AP1B1: variants seen among roughly 807,000 people sequenced by gnomAD.
AP1B1 encodes AP-1 complex subunit beta-1.
AP1B1 carries 36 observed loss-of-function variants against 104.3 expected under a neutral mutation model. That is an observed-to-expected ratio of 0.35 (90% CI 0.26 to 0.46). The LOEUF is 0.46. Ranked by LOEUF, AP1B1 falls within the 20% of genes least tolerant of loss-of-function variation. The probability of loss-of-function intolerance (pLI) is 1.00; values close to 1 mark genes in which losing one functional copy is unlikely to be tolerated. For missense variants in AP1B1, 901 were observed against 1,247.9 expected, an observed-to-expected ratio of 0.72 and a Z score of 4.19; for synonymous variants, 504 against 517.5, an observed-to-expected ratio of 0.97 and a Z score of 0.35.
intron 11 of AP1B1, among the ~76,000 whole-genome samples, chr22:29,343,875 C>T (rs2061749456): frequency 6.6e-6 from 1 of 152,084 alleles, no homozygotes; most frequent in African/African-American, 2.4e-5. Context: ...CTTTGGGAGG[C>T]CTCGGTGGTT....
chr22:29,374,334 GAATTC>G, intron 1 of AP1B1, among the ~76,000 whole-genome samples: 1 of 152,070 alleles, frequency 6.6e-6, no homozygotes, highest in Non-Finnish European at 1.5e-5. Flanking sequence ...AAAGAACCAT[GAATTC>G]AATTCCATAA....
chr22:29,353,120 G>A (rs1229642628), intron 7 of AP1B1, among the ~76,000 whole-genome samples: 5 of 152,168 alleles, frequency 3.3e-5, no homozygotes, highest in African/African-American at 7.2e-5. Flanking sequence ...AGAGTGGGGC[G>A]AGAATCCTCT....
chr22:29,336,915 C>T (rs1182109953), intron 16 of AP1B1, among the ~76,000 whole-genome samples: 1 of 152,144 alleles, frequency 6.6e-6, no homozygotes, highest in African/African-American at 2.4e-5. Context: ...AGGGCTGGCA[C>T]CCACAGGGTT....
At chr22:29,387,370 C>T (rs760639890) in intron 1 of AP1B1, among the ~76,000 whole-genome samples, 1 of 150,338 alleles carries the variant, frequency 6.7e-6, no homozygotes, top group African/African-American at 2.5e-5. Context: ...TGCAGTCGCA[C>T]GATCTCGGCT....
chr22:29,329,029 G>T (rs956055602), intron 22 of AP1B1, 134 bp from the exon 23 acceptor site: 47 of 1,471,170 alleles, frequency 3.2e-5, no homozygotes, highest in Non-Finnish European at 4.1e-5. Flanking sequence ...AGCTGCGCCT[G>T]GCACAGATGT....
At chr22:29,369,480 G>C (rs930004406) in intron 1 of AP1B1, among the ~76,000 whole-genome samples, 4 of 152,240 alleles carry the variant, frequency 2.6e-5, no homozygotes, top group African/African-American at 9.6e-5. Flanking sequence ...AAGTTGAAAA[G>C]GAAGGATGGC....
At chr22:29,367,137 C>T in intron 2 of AP1B1, 70 bp downstream of exon 2, 1 of 1,466,034 alleles carries the variant, frequency 6.8e-7, no homozygotes, top group Admixed American at 1.7e-5. Flanking sequence ...CTCCCTACCG[C>T]CATAGGAGGA....
At chr22:29,360,677 T>C (rs759110723) in intron 3 of AP1B1, among the ~76,000 whole-genome samples, 20 of 152,202 alleles carry the variant, frequency 1.3e-4, no homozygotes, top group Middle Eastern at 3.2e-3. Context: ...CTGAGGTTCA[T>C]AAATGTCAAA....
At position 29,331,784 on chromosome 22, in the gene AP1B1, C is replaced by A; in HGVS notation, c.2439+3G>T. On this transcript the variant is annotated splice_donor_region_variant and intron_variant, in intron 18 of 22. Transcript: ENST00000357586. Reference sequence around the variant, plus strand: ...TGGGGTGCCTGCCCTGCCCGGAACCCACCTGGAGGTTGTTCAGAGGCTCCA... The same window carrying A: ...TGGGGTGCCTGCCCTGCCCGGAACCAACCTGGAGGTTGTTCAGAGGCTCCA... 6.2e-7 allele frequency: 1 copy of A among 1,614,178 alleles called. No homozygotes were observed. Among genetic ancestry groups the A allele is most frequent in the Non-Finnish European group, 8.5e-7 (1 of 1,180,030 alleles).
intron 2 of AP1B1, among the ~76,000 whole-genome samples, chr22:29,365,014 A>G (rs2062110834): frequency 6.6e-6 from 1 of 152,072 alleles, no homozygotes; most frequent in Non-Finnish European, 1.5e-5. Context: ...CGGCCCCTCT[A>G]AGCCCTTCTC....
At chr22:29,381,990 G>T (rs542987365) in intron 1 of AP1B1, among the ~76,000 whole-genome samples, 10 of 151,134 alleles carry the variant, frequency 6.6e-5, no homozygotes, top group African/African-American at 2.2e-4. Context: ...CTTCCCTTCA[G>T]CGTGATACCT....
At chr22:29,362,927 C>A (rs2062073662) in intron 3 of AP1B1, 74 bp downstream of exon 3, 10 of 831,740 alleles carry the variant, frequency 1.2e-5, no homozygotes, top group East Asian at 4.8e-5. Context: ...AAAGGAGAGA[C>A]TGAAGTGGAC....
At chr22:29,329,029 G>A (rs956055602) in intron 22 of AP1B1, 134 bp from the exon 23 acceptor site, 14 of 1,471,288 alleles carry the variant, frequency 9.5e-6, no homozygotes, top group East Asian at 5.0e-5. Flanking sequence ...AGCTGCGCCT[G>A]GCACAGATGT....
intron 4 of AP1B1, chr22:29,359,539 T>G: frequency 2.9e-6 from 1 of 342,396 alleles, no homozygotes; most frequent in African/African-American, 2.1e-5. Flanking sequence ...CACCTGCTGA[T>G]TCCTGCCCTA....
At chr22:29,376,831 C>T (rs751881601) in intron 1 of AP1B1, among the ~76,000 whole-genome samples, 74 of 152,132 alleles carry the variant, frequency 4.9e-4, no homozygotes, top group Admixed American at 4.2e-3. Context: ...TACCTGCTCC[C>T]ACAAAGCTTA....
chr22:29,351,589 C>G lies in AP1B1; in HGVS notation c.1059+116G>C, dbSNP rs542545508. On this transcript the variant is annotated intron_variant, in intron 8 of 22. Coordinates refer to ENST00000357586, the MANE Select transcript of AP1B1 (RefSeq NM_001127.4). ...AGCCCCATGTCCCATGCTAAACACT[C>G]TTCATGAGATAAACCGTTAATGGTG... 64 of 1,388,486 alleles carry G rather than the reference C, an allele frequency of 4.6e-5. No homozygotes were observed. In the Admixed American group the frequency reaches 8.7e-4, roughly 19 times the overall value. The allele number at this position is 1,388,486 out of a possible 1,614,324, so 86.0% of individuals were successfully genotyped here. A position where few individuals can be genotyped will look rare whatever the true frequency, so the allele number is the denominator to read the frequency against.
chr22:29,375,166 T>C (rs561821797), intron 1 of AP1B1, among the ~76,000 whole-genome samples: 6 of 151,510 alleles, frequency 4.0e-5, no homozygotes, highest in East Asian at 3.9e-4. Flanking sequence ...CTGGCCAACA[T>C]AGTGAAACCC....
rs913387787 is a variant in AP1B1, at chr22:29,361,039, C to T, written c.144-1080G>A. ...AAAAACTGCTGATGAGGCCGACTCG[C>T]TCTTTGGGGCTTATCATATCAGCAA... On this transcript the variant is annotated intron_variant, in intron 3 of 22. Coordinates refer to ENST00000357586, the MANE Select transcript of AP1B1 (RefSeq NM_001127.4). Among the ~76,000 whole-genome samples the T allele has an allele frequency of 2.6e-5, 4 of 152,188 alleles. 1 individual carries two copies. Among genetic ancestry groups the T allele is most frequent in the Non-Finnish European group, 5.9e-5 (4 of 68,040 alleles).
chr22:29,340,991 C>A (rs527730679), intron 13 of AP1B1, 134 bp from the exon 14 acceptor site: 22 of 847,082 alleles, frequency 2.6e-5, no homozygotes, highest in Non-Finnish European at 3.6e-5. Flanking sequence ...GCTGTCCACA[C>A]GGCCCCACTT....
Sources: gnomAD v4.1 joint callset for allele counts (sites outside exome capture counted in the v4.1 genomes callset) on GRCh38, gnomAD v4.1.1 for gene constraint, MANE v1.5 for transcripts, NCBI Gene and HGNC (gene_info 2026-07-23, HGNC 2026-07-21) for gene names.